The following IFT27 variants were observed in gnomAD, a reference collection of about 807,000 sequenced individuals.
IFT27 encodes intraflagellar transport protein 27 homolog.
IFT27 carries 19 observed loss-of-function variants against 23.9 expected under a neutral mutation model. That is an observed-to-expected ratio of 0.79 (90% CI 0.55 to 1.16). The LOEUF (loss-of-function observed/expected upper bound fraction) is 1.16, where lower values mean the gene tolerates loss of function less well. Among genes scored for constraint, IFT27 ranks in the 50% most tolerant of loss-of-function variants. The pLI is 0.00. For missense variants in IFT27, 206 were observed against 228.7 expected (o/e 0.90, Z 0.64); for synonymous variants, 91 against 89.1 (o/e 1.02, Z -0.12).
intron 1 of IFT27, among the ~76,000 whole-genome samples, chr22:36,770,983 T>A (rs143236489): frequency 6.6e-6 from 1 of 152,280 alleles, no homozygotes; most frequent in Non-Finnish European, 1.5e-5. Flanking sequence ...CTGCTTCTCC[T>A]TTTTCTTAGT....
Position 36,764,032 on chromosome 22 carries a change from T to C in IFT27, c.239A>G (p.Glu80Gly), listed in dbSNP as rs1360511030. Residue 80 changes from glutamate to glycine, a missense_variant, in exon 5 of 7, where the codon GAG becomes GGG. Coordinates refer to ENST00000433985, the MANE Select transcript of IFT27 (RefSeq NM_001177701.3). ...GACGAGACATAAGACATTGGGACTC[T>C]CCCACTGTGCAAGAGGGACAGGATG... Reference protein sequence around the residue: ...LFSEMLDKLWESPNVLCLVYD... With the variant: ...LFSEMLDKLWGSPNVLCLVYD... 1.2e-6 allele frequency: 2 copies of C among 1,607,900 alleles called. No individual in the cohort carries two copies. The highest frequency in any genetic ancestry group is 4.5e-5 in the East Asian group (2 of 44,870).
chr22:36,770,945 T>A (rs1402231601), intron 1 of IFT27, among the ~76,000 whole-genome samples: 7 of 151,938 alleles, frequency 4.6e-5, no homozygotes, highest in Non-Finnish European at 1.0e-4. Flanking sequence ...AAGGCTGGAG[T>A]CGGGGGAGAG....
rs1938476269 is a variant in IFT27 at position 36,775,314 on chromosome 22, A to G, written c.34+360T>C. ...TCACTGATGCCTAACTTTGGGGTAC[A>G]GTATATGTTTAGCTGAAGCACTCAA... On this transcript the variant is annotated intron_variant, in intron 1 of 6. Transcript: ENST00000433985. Among the ~76,000 whole-genome samples the G allele has an allele frequency of 2.0e-5, 3 of 152,178 alleles. No homozygotes were observed. The South Asian group carries it at 6.2e-4, about 32-fold the overall frequency.
At chr22:36,758,614 T>G in intron 6 of IFT27, 1 of 579,216 alleles carries the variant, frequency 1.7e-6, no homozygotes, top group Non-Finnish European at 3.1e-6. Context: ...GAAGGTACCT[T>G]GCAGGAAGCC....
intron 1 of IFT27, chr22:36,768,501 C>T: frequency 5.3e-6 from 1 of 190,242 alleles, no homozygotes; most frequent in Non-Finnish European, 1.1e-5. Flanking sequence ...TCTGCAATAG[C>T]AGTCACCTCC....
intron 3 of IFT27, chr22:36,767,003 C>T: frequency 4.7e-6 from 1 of 213,816 alleles, no homozygotes; most frequent in Non-Finnish European, 9.3e-6. Context: ...AAAGCACACA[C>T]AAACATAACG....
chr22:36,763,075 C>T (rs779864521), intron 5 of IFT27, 62 bp from the exon 6 acceptor site: 16 of 1,238,818 alleles, frequency 1.3e-5, no homozygotes, highest in Admixed American at 7.8e-5. Context: ...GGACAGCGGG[C>T]GAGATGAGAG....
chr22:36,774,135 C>T (rs1938446036), intron 1 of IFT27, among the ~76,000 whole-genome samples: 1 of 152,210 alleles, frequency 6.6e-6, no homozygotes, highest in African/African-American at 2.4e-5. Context: ...ACACTGCCTC[C>T]TCTGGTGCTC....
intron 2 of IFT27, 76 bp from the exon 3 acceptor site, chr22:36,767,441 C>T: frequency 7.5e-7 from 1 of 1,324,902 alleles, no homozygotes; most frequent in Non-Finnish European, 1.1e-6. Flanking sequence ...CACACAAGCA[C>T]CCCGATCCCA....
chr22:36,773,042 A>G (rs985619328), intron 1 of IFT27, among the ~76,000 whole-genome samples: 4 of 152,222 alleles, frequency 2.6e-5, no homozygotes, highest in African/African-American at 9.7e-5. Flanking sequence ...AGAACTACCC[A>G]AGGGAGTTGG....
chr22:36,758,496 C>A, intron 6 of IFT27, 87 bp from the exon 7 acceptor site: 1 of 994,332 alleles, frequency 1.0e-6, no homozygotes, highest in Non-Finnish European at 1.6e-6. Context: ...CATTCGGGGG[C>A]TACCTACTTT....
chr22:36,771,558 C>T (rs551622658), intron 1 of IFT27, among the ~76,000 whole-genome samples: 53 of 152,156 alleles, frequency 3.5e-4, no homozygotes, highest in African/African-American at 1.0e-3. Context: ...CCTGAGGTGC[C>T]GGGACCAGCC....
intron 4 of IFT27, among the ~76,000 whole-genome samples, chr22:36,764,322 G>T (rs73154864): frequency 1.3e-5 from 2 of 152,268 alleles, no homozygotes; most frequent in Non-Finnish European, 2.9e-5. Context: ...CTCCCAACTC[G>T]GTAGAGTGTC....
At position 36,760,136 on chromosome 22, in the gene IFT27, A is replaced by G. The variant is rs1247866232; in HGVS notation, c.463-1727T>C. 12 of 152,372 alleles carry G rather than the reference A, an allele frequency of 7.9e-5. No individual in the cohort carries two copies. In the East Asian group the frequency reaches 2.1e-3, roughly 27 times the overall value. 9.4% of individuals were successfully genotyped at this position (152,372 alleles called of 1,614,324 possible). A position where few individuals can be genotyped will look rare whatever the true frequency, so the allele number is the denominator to read the frequency against. On this transcript the variant is annotated intron_variant, in intron 6 of 6. Coordinates refer to ENST00000433985, the MANE Select transcript of IFT27 (RefSeq NM_001177701.3). ...GGACACGAGAGCAAGAATTCAGTAC[A>G]TCCTGCCGGGCCCTGCTAGTTGTGC... is the stretch of plus-strand genomic sequence containing the variant.
intron 1 of IFT27, 115 bp downstream of exon 1, chr22:36,775,558 CT>C: frequency 9.0e-7 from 1 of 1,117,302 alleles, no homozygotes; most frequent in Non-Finnish European, 1.4e-6. Context: ...AGTAACTCGC[CT>C]TTGGGAGAGA....
Position 36,766,289 on chromosome 22 carries a change from TA to T in IFT27, c.175-93del, listed in dbSNP as rs1938247993. 3 of 1,078,340 alleles carry T rather than the reference TA, an allele frequency of 2.8e-6. No homozygotes were observed. In the Admixed American group the frequency reaches 5.4e-5, roughly 19 times the overall value. 66.8% of individuals were successfully genotyped at this position (1,078,340 alleles called of 1,614,324 possible). A position where few individuals can be genotyped will look rare whatever the true frequency, so the allele number is the denominator to read the frequency against. ...CTCTCAACTCACACTGGACTTGTCT[TA>T]GGGGTGAAATACAGGCACCCACATC... On this transcript the variant is annotated intron_variant, in intron 3 of 6. Transcript: ENST00000433985.
At chr22:36,766,037 C>T in intron 4 of IFT27, 101 bp downstream of exon 4, 1 of 952,178 alleles carries the variant, frequency 1.1e-6, no homozygotes, top group Non-Finnish European at 1.7e-6. Flanking sequence ...TGGGAGCTTC[C>T]CAACAGCACA....
intron 3 of IFT27, 48 bp downstream of exon 3, chr22:36,767,258 G>A (rs754940923): frequency 6.6e-7 from 1 of 1,507,162 alleles, no homozygotes; most frequent in Non-Finnish European, 9.2e-7. Flanking sequence ...GAGACCCTGG[G>A]CCCAGCTGGG....
chr22:36,763,351 G>T, intron 5 of IFT27: 1 of 265,088 alleles, frequency 3.8e-6, no homozygotes, highest in Non-Finnish European at 7.2e-6. Flanking sequence ...TGAGCACACG[G>T]AGCAAACTGT....
Sources: allele counts gnomAD v4.1 joint callset (sites outside exome capture counted in the v4.1 genomes callset), GRCh38; gene constraint gnomAD v4.1.1; transcripts MANE v1.5; gene names NCBI Gene and HGNC (gene_info 2026-07-23, HGNC 2026-07-21).